SLF1: variants seen among roughly 807,000 people sequenced by gnomAD.
SLF1 encodes SMC5-SMC6 complex localization factor protein 1.
SLF1 carries 105 observed loss-of-function variants against 123.0 expected under a neutral mutation model. The ratio of observed to expected loss-of-function variants is 0.85; its 90% CI spans 0.73 to 1.00. SLF1 has a LOEUF of 1.00. Among genes scored for constraint, SLF1 ranks in the 50% least tolerant of loss-of-function variants. SLF1 has a pLI of 0.00. For missense variants in SLF1, 1,239 were observed against 1,223.0 expected (o/e 1.01, Z -0.20); for synonymous variants, 434 against 406.6 (o/e 1.07, Z -0.81).
intron 1 of SLF1, among the ~76,000 whole-genome samples, chr5:94,626,411 T>C (rs1469081287): frequency 1.3e-5 from 2 of 152,218 alleles, no homozygotes; most frequent in Non-Finnish European, 2.9e-5. Context: ...TTATACTGAC[T>C]AGACCAAATC....
At chr5:94,647,173 G>T (rs749321262) in intron 5 of SLF1, among the ~76,000 whole-genome samples, 1 of 152,052 alleles carries the variant, frequency 6.6e-6, no homozygotes, top group African/African-American at 2.4e-5. Context: ...CAGTCTCTTT[G>T]TAGGTAGTTA....
intron 9 of SLF1, among the ~76,000 whole-genome samples, chr5:94,661,324 A>G (rs958425759): frequency 6.6e-6 from 1 of 152,000 alleles, no homozygotes; most frequent in Non-Finnish European, 1.5e-5. Context: ...CCAGGCTCCT[A>G]GCCAGTTCCA....
intron 20 of SLF1, 29 bp downstream of exon 20, chr5:94,692,285 G>A: frequency 1.3e-6 from 2 of 1,592,650 alleles, no homozygotes; most frequent in Non-Finnish European, 8.6e-7. Flanking sequence ...AATGGGTTTT[G>A]ATAAATTATC....
chr5:94,673,640 T>C (rs1164258444), intron 14 of SLF1, among the ~76,000 whole-genome samples: 1 of 148,238 alleles, frequency 6.7e-6, no homozygotes, highest in Non-Finnish European at 1.5e-5. Flanking sequence ...CAGTGAGCTA[T>C]GATTGCGCCG....
At chr5:94,691,331 T>G in intron 18 of SLF1, 2 of 447,580 alleles carry the variant, frequency 4.5e-6, no homozygotes. Context: ...CAGTAGAATT[T>G]CATTGCTGAA....
intron 1 of SLF1, among the ~76,000 whole-genome samples, chr5:94,620,733 C>G (rs1156522725): frequency 1.3e-5 from 2 of 152,094 alleles, no homozygotes; most frequent in Non-Finnish European, 2.9e-5. Flanking sequence ...TTTGAATATA[C>G]TAATAGAAAA....
intron 14 of SLF1, among the ~76,000 whole-genome samples, chr5:94,671,412 G>A (rs989672979): frequency 6.9e-6 from 1 of 144,318 alleles, no homozygotes; most frequent in African/African-American, 2.5e-5. Context: ...TTGATGTTGA[G>A]TTATTTTCTG....
chr5:94,694,688 T>A (rs1437779859), intron 20 of SLF1, 143 bp from the exon 21 acceptor site: 1 of 1,052,318 alleles, frequency 9.5e-7, no homozygotes, highest in African/African-American at 1.6e-5. Context: ...ATATATATAG[T>A]CAGTTAATTG....
In SLF1 at chr5:94,695,407, A is replaced by G; in HGVS notation, c.*95A>G. The G allele has an allele frequency of 1.5e-6, 2 of 1,348,742 alleles. No individual in the cohort carries two copies. Among genetic ancestry groups the G allele is most frequent in the South Asian group, 2.1e-5 (1 of 47,856 alleles). 83.5% of individuals were successfully genotyped at this position (1,348,742 alleles called of 1,614,324 possible). A position where few individuals can be genotyped will look rare whatever the true frequency, so the allele number is the denominator to read the frequency against. ...TAGCTTACTGACAGATAGTAATTTG[A>G]TTTATTTATTGACAGACTTTGCAGC... On this transcript the variant is annotated 3_prime_UTR_variant, in exon 21 of 21. Transcript: ENST00000265140.
At chr5:94,636,558 C>A (rs1488594534) in intron 4 of SLF1, among the ~76,000 whole-genome samples, 1 of 150,394 alleles carries the variant, frequency 6.6e-6, no homozygotes, top group African/African-American at 2.5e-5. Context: ...TCTTCTGTTG[C>A]ATTTTTCACT....
At chr5:94,690,014 G>A (rs192080956) in intron 18 of SLF1, among the ~76,000 whole-genome samples, 31 of 152,270 alleles carry the variant, frequency 2.0e-4, no homozygotes, top group African/African-American at 7.2e-4. Flanking sequence ...AGAATGAAGA[G>A]TAGGCTATGT....
intron 11 of SLF1, among the ~76,000 whole-genome samples, chr5:94,664,608 G>T (rs1749533433): frequency 6.6e-6 from 1 of 152,154 alleles, no homozygotes; most frequent in Admixed American, 6.5e-5. Flanking sequence ...AACATAACAG[G>T]CATAAGCTTT....
intron 9 of SLF1, among the ~76,000 whole-genome samples, chr5:94,661,008 G>A (rs987724430): frequency 6.6e-6 from 1 of 152,132 alleles, no homozygotes; most frequent in African/African-American, 2.4e-5. Flanking sequence ...GGGTGGACAG[G>A]AATATCAGTG....
chr5:94,674,595 T>C (rs1299615263), intron 14 of SLF1, among the ~76,000 whole-genome samples: 2 of 152,242 alleles, frequency 1.3e-5, no homozygotes, highest in African/African-American at 4.8e-5. Flanking sequence ...TTTTCTGTAC[T>C]GTAAAGCATT....
At position 94,653,283 on chromosome 5, in the gene SLF1, G is replaced by GA. The variant is rs1747969681; in HGVS notation, c.900dup (p.Asp301ArgfsTer2). ...CTAAATACATGTAGAAGGAAATTAA[G>GA]AAAAAAGATGAAGATATTCAGAGGA... On this transcript the variant is annotated frameshift_variant, in exon 8 of 21. Transcript: ENST00000265140. LOFTEE classifies it high-confidence loss of function. 7 of 1,522,078 alleles carry GA rather than the reference G, an allele frequency of 4.6e-6. No individual in the cohort carries two copies. In the African/African-American group the frequency reaches 7.1e-5, roughly 15 times the overall value. 94.3% of individuals were successfully genotyped at this position (1,522,078 alleles called of 1,614,324 possible). A position where few individuals can be genotyped will look rare whatever the true frequency, so the allele number is the denominator to read the frequency against.
intron 8 of SLF1, among the ~76,000 whole-genome samples, chr5:94,654,414 G>A (rs1585158429): frequency 1.3e-5 from 2 of 149,210 alleles, no homozygotes; most frequent in African/African-American, 4.9e-5. Flanking sequence ...AAAAAAGAAA[G>A]TACATATGTA....
chr5:94,632,846 G>C (rs1348857062), intron 4 of SLF1, among the ~76,000 whole-genome samples: 1 of 151,266 alleles, frequency 6.6e-6, no homozygotes, highest in Non-Finnish European at 1.5e-5. Flanking sequence ...GACTACAGGT[G>C]CCCGGCTAAT....
intron 8 of SLF1, among the ~76,000 whole-genome samples, chr5:94,654,119 A>G (rs1748089630): frequency 6.6e-6 from 1 of 152,116 alleles, no homozygotes; most frequent in South Asian, 2.1e-4. Context: ...GCAGTGAGCC[A>G]AGATTGCACC....
intron 7 of SLF1, among the ~76,000 whole-genome samples, chr5:94,652,926 C>T (rs918651756): frequency 6.6e-6 from 1 of 152,160 alleles, no homozygotes; most frequent in African/African-American, 2.4e-5. Flanking sequence ...GGCGCAATCT[C>T]AGCTCGCCAC....
Sources: gnomAD v4.1 joint callset for allele counts (sites outside exome capture counted in the v4.1 genomes callset) on GRCh38, gnomAD v4.1.1 for gene constraint, MANE v1.5 for transcripts, NCBI Gene and HGNC (gene_info 2026-07-23, HGNC 2026-07-21) for gene names.